MAML2: variants seen among roughly 807,000 people sequenced by gnomAD.
The protein encoded by MAML2 is mastermind like transcriptional coactivator 2, also known as mastermind-like protein 2.
A neutral mutation model predicts 96.1 loss-of-function variants in MAML2; 22 were observed. That is an observed-to-expected ratio of 0.23 (90% confidence interval 0.16 to 0.33). The LOEUF (loss-of-function observed/expected upper bound fraction) is 0.33, where lower values mean the gene tolerates loss of function less well. Among genes scored for constraint, MAML2 ranks in the 10% least tolerant of loss-of-function variants. The pLI, the probability that MAML2 is intolerant of heterozygous loss-of-function variation, is 1.00. For missense variants in MAML2, 1,367 were observed against 1,392.4 expected (o/e 0.98, Z 0.29); for synonymous variants, 561 against 521.3 (o/e 1.08, Z -1.04).
At chr11:95,999,567 T>C (rs1858048935) in intron 2 of MAML2, among the ~76,000 whole-genome samples, 1 of 141,196 alleles carries the variant, frequency 7.1e-6, no homozygotes, top group South Asian at 2.4e-4. Flanking sequence ...GGTATTGTTC[T>C]CTTAATTAAA....
intron 2 of MAML2, among the ~76,000 whole-genome samples, chr11:96,067,071 A>G (rs1859256449): frequency 6.6e-6 from 1 of 152,184 alleles, no homozygotes; most frequent in Non-Finnish European, 1.5e-5. Context: ...ACACCTAGTG[A>G]GATGGGAAAC....
intron 1 of MAML2, among the ~76,000 whole-genome samples, chr11:96,326,971 C>T (rs766791258): frequency 1.2e-4 from 18 of 152,006 alleles, no homozygotes; most frequent in African/African-American, 3.9e-4. Flanking sequence ...TAGGAAACAA[C>T]GTGAAATGCA....
intron 2 of MAML2, among the ~76,000 whole-genome samples, chr11:96,037,193 A>C (rs12278649): frequency 0.024 from 3,583 of 152,130 alleles, 117 homozygotes; most frequent in African/African-American, 0.076. Flanking sequence ...AAAAATAAAA[A>C]AACAACAACA....
chr11:96,077,993 G>A (rs16923034), intron 2 of MAML2, among the ~76,000 whole-genome samples: 5,643 of 152,262 alleles, frequency 0.037, 228 homozygotes, highest in African/African-American at 0.096. Flanking sequence ...CTTCTGGCCA[G>A]TCTCCTTTTC....
At chr11:96,211,576 T>A (rs1682638404) in intron 1 of MAML2, among the ~76,000 whole-genome samples, 1 of 150,380 alleles carries the variant, frequency 6.6e-6, no homozygotes, top group Admixed American at 6.6e-5. Flanking sequence ...GCCCAAGGGG[T>A]AGTTGTAAGA....
chr11:96,341,383 C>G lies in MAML2; in HGVS notation c.513G>C (p.Ala171=). 6.6e-7 allele frequency: 1 copy of G among 1,514,048 alleles called. No individual in the cohort carries two copies. The highest frequency in any genetic ancestry group is 8.9e-7 in the Non-Finnish European group (1 of 1,125,292). The allele number at this position is 1,514,048 out of a possible 1,614,324, so 93.8% of individuals were successfully genotyped here. Residue 171 remains alanine, a splice_region_variant and synonymous_variant, in exon 1 of 5, where the codon GCG becomes GCC. Transcript: ENST00000524717. ...AACCATGAGAAAGCCAGGTGCTTAC[C>G]GCAATCAGGGCTGAGTTCCTCTGGT... ...PGDQRNSALI[A]LQGSLKRKQV... is the part of the protein sequence containing the mutation.
chr11:96,318,038 GTTACTAGGCCTC>G (rs1863654168), intron 1 of MAML2, among the ~76,000 whole-genome samples: 1 of 152,212 alleles, frequency 6.6e-6, no homozygotes, highest in African/African-American at 2.4e-5. Flanking sequence ...TGCTTTAGAG[GTTACTAGGCCTC>G]TTAATATCTT....
intron 1 of MAML2, among the ~76,000 whole-genome samples, chr11:96,205,766 T>C (rs1861887076): frequency 6.6e-6 from 1 of 152,252 alleles, no homozygotes. Context: ...GGAACCCTTT[T>C]CTTTTCTTTC....
intron 1 of MAML2, among the ~76,000 whole-genome samples, chr11:96,131,383 T>C (rs1860546662): frequency 1.3e-5 from 2 of 152,030 alleles, no homozygotes; most frequent in South Asian, 2.1e-4. Context: ...AGACATAAGA[T>C]AAACAAGGGA....
chr11:96,205,833 C>T (rs754628319), intron 1 of MAML2, among the ~76,000 whole-genome samples: 103 of 152,190 alleles, frequency 6.8e-4, no homozygotes, highest in Non-Finnish European at 7.8e-4. Context: ...TTTGTTGCTC[C>T]TTTGGAAAGA....
intron 1 of MAML2, among the ~76,000 whole-genome samples, chr11:96,137,067 C>T (rs1011049727): frequency 4.6e-5 from 7 of 152,058 alleles, no homozygotes; most frequent in African/African-American, 1.2e-4. Context: ...CTTTCAGTGT[C>T]GTCAATTTTC....
intron 1 of MAML2, among the ~76,000 whole-genome samples, chr11:96,164,026 A>T (rs1295490679): frequency 6.7e-6 from 1 of 148,324 alleles, no homozygotes. Context: ...ACGCCTGGCT[A>T]TTTTTTTTTG....
At chr11:96,334,081 CTATT>C (rs1863887144) in intron 1 of MAML2, among the ~76,000 whole-genome samples, 1 of 152,154 alleles carries the variant, frequency 6.6e-6, no homozygotes, top group African/African-American at 2.4e-5. Context: ...AAGAAGGACA[CTATT>C]TAACATTCTA....
chr11:96,122,092 G>A (rs1243416120), intron 1 of MAML2, among the ~76,000 whole-genome samples: 1 of 148,358 alleles, frequency 6.7e-6, no homozygotes, highest in African/African-American at 2.5e-5. Flanking sequence ...TTACAGGCGT[G>A]AGCCACCCCG....
chr11:96,304,156 G>T (rs1026674740), intron 1 of MAML2, among the ~76,000 whole-genome samples: 26 of 152,288 alleles, frequency 1.7e-4, no homozygotes, highest in African/African-American at 5.8e-4. Context: ...TCAGTTTCAA[G>T]CCTCTCTTAT....
At chr11:96,069,843 T>G (rs1859312760) in intron 2 of MAML2, among the ~76,000 whole-genome samples, 1 of 151,638 alleles carries the variant, frequency 6.6e-6, no homozygotes, top group Admixed American at 6.6e-5. Flanking sequence ...GCCAAGATGG[T>G]GAAACCCCGT....
chr11:96,138,049 C>G (rs1860665603), intron 1 of MAML2, among the ~76,000 whole-genome samples: 1 of 152,064 alleles, frequency 6.6e-6, no homozygotes, highest in Non-Finnish European at 1.5e-5. Flanking sequence ...TAAATGTTAG[C>G]TAACTTGGCG....
intron 1 of MAML2, among the ~76,000 whole-genome samples, chr11:96,306,057 T>C (rs1362452263): frequency 6.6e-6 from 1 of 151,118 alleles, no homozygotes; most frequent in Non-Finnish European, 1.5e-5. Context: ...AGTATCAAAT[T>C]ATGTATATAT....
At chr11:96,103,001 T>C (rs1392064665) in intron 1 of MAML2, among the ~76,000 whole-genome samples, 1 of 152,210 alleles carries the variant, frequency 6.6e-6, no homozygotes, top group Non-Finnish European at 1.5e-5. Context: ...TTAAGTATCA[T>C]TAATCAAGTG....
Sources: gnomAD v4.1 joint callset for allele counts (sites outside exome capture counted in the v4.1 genomes callset) on GRCh38, gnomAD v4.1.1 for gene constraint, MANE v1.5 for transcripts, NCBI Gene and HGNC (gene_info 2026-07-23, HGNC 2026-07-21) for gene names.